HPSE2: variants seen among roughly 807,000 people sequenced by gnomAD.
HPSE2 encodes the protein heparanase 2 (inactive).
In HPSE2, 38 loss-of-function variants were observed where a neutral mutation model predicts 60.5. That is an observed-to-expected ratio of 0.63 (90% CI 0.48 to 0.82). HPSE2 has a LOEUF of 0.82. Ranked by LOEUF, HPSE2 falls within the 40% of genes least tolerant of loss-of-function variation. The pLI is 0.00. For missense variants in HPSE2, 713 were observed against 740.4 expected (o/e 0.96, Z 0.43); for synonymous variants, 295 against 293.2 (o/e 1.01, Z -0.06).
intron 2 of HPSE2, among the ~76,000 whole-genome samples, chr10:99,168,932 C>T (rs1017313557): frequency 2.6e-5 from 4 of 152,138 alleles, no homozygotes; most frequent in South Asian, 2.1e-4. Flanking sequence ...TGGTGGCTTG[C>T]GCCTGTAATC....
At chr10:98,965,638 A>AAT (rs1955795163) in intron 3 of HPSE2, among the ~76,000 whole-genome samples, 1 of 152,128 alleles carries the variant, frequency 6.6e-6, no homozygotes, top group South Asian at 2.1e-4. Flanking sequence ...CACCTACACA[A>AAT]ATATTATCAT....
intron 3 of HPSE2, among the ~76,000 whole-genome samples, chr10:98,780,381 A>G (rs960832638): frequency 1.3e-5 from 2 of 152,196 alleles, no homozygotes; most frequent in African/African-American, 2.4e-5. Flanking sequence ...TTGTACTTAA[A>G]TGTTTATATT....
chr10:98,501,275 A>G (rs186872435), intron 9 of HPSE2, among the ~76,000 whole-genome samples: 1 of 152,316 alleles, frequency 6.6e-6, no homozygotes, highest in East Asian at 1.9e-4. Flanking sequence ...TCCTTGATGA[A>G]CATAGATGCT....
chr10:98,830,911 A>C (rs980732635), intron 3 of HPSE2, among the ~76,000 whole-genome samples: 12 of 152,172 alleles, frequency 7.9e-5, no homozygotes, highest in Non-Finnish European at 1.5e-5. Flanking sequence ...TTATTTTTAC[A>C]TGAAGGCATG....
intron 6 of HPSE2, among the ~76,000 whole-genome samples, chr10:98,690,154 G>A (rs1357483060): frequency 6.6e-6 from 1 of 152,124 alleles, no homozygotes; most frequent in Non-Finnish European, 1.5e-5. Flanking sequence ...TCAATTTCCA[G>A]CCTTTGACTC....
chr10:98,852,005 T>TAA (rs34348667), intron 3 of HPSE2, among the ~76,000 whole-genome samples: 129,262 of 151,966 alleles, frequency 0.85, 55,410 homozygotes, highest in African/African-American at 0.95. Flanking sequence ...CATGTCAGAC[T>TAA]GTTTGCAGAC....
intron 3 of HPSE2, among the ~76,000 whole-genome samples, chr10:99,056,497 A>G (rs1958116941): frequency 1.3e-5 from 2 of 152,270 alleles, no homozygotes; most frequent in South Asian, 2.1e-4. Context: ...TTAATCTGAG[A>G]AGAAAAAAAG....
At chr10:98,657,756 G>A (rs1489270015) in intron 6 of HPSE2, among the ~76,000 whole-genome samples, 1 of 152,178 alleles carries the variant, frequency 6.6e-6, no homozygotes, top group Non-Finnish European at 1.5e-5. Context: ...TACAGTTTAA[G>A]GTTGAATCAC....
chr10:98,584,146 C>T (rs1944877118), intron 9 of HPSE2, among the ~76,000 whole-genome samples: 1 of 152,184 alleles, frequency 6.6e-6, no homozygotes, highest in Non-Finnish European at 1.5e-5. Flanking sequence ...GTTCCAGTTG[C>T]TCCACATCTT....
At chr10:99,003,260 A>G (rs1245615750) in intron 3 of HPSE2, among the ~76,000 whole-genome samples, 2 of 152,000 alleles carry the variant, frequency 1.3e-5, no homozygotes, top group Non-Finnish European at 2.9e-5. Flanking sequence ...TTGCTTGTGG[A>G]CACTTAGATT....
chr10:99,306,306 TG>T, the HPSE2 span, among the ~76,000 whole-genome samples: 1 of 152,058 alleles, frequency 6.6e-6, no homozygotes, highest in African/African-American at 2.4e-5. Flanking sequence ...GACCCATATC[TG>T]GACAAGCCAA....
At chr10:98,772,075 A>C (rs1174606126) in intron 3 of HPSE2, among the ~76,000 whole-genome samples, 1 of 152,148 alleles carries the variant, frequency 6.6e-6, no homozygotes, top group Non-Finnish European at 1.5e-5. Context: ...CTGGGCAATA[A>C]CCGTAAGGAT....
intron 3 of HPSE2, among the ~76,000 whole-genome samples, chr10:98,993,861 A>C (rs1178273640): frequency 2.0e-5 from 3 of 152,194 alleles, no homozygotes; most frequent in Admixed American, 6.5e-5. Context: ...ATAGTGACCC[A>C]AAAATTATAC....
intron 2 of HPSE2, among the ~76,000 whole-genome samples, chr10:99,189,219 T>G (rs1010150037): frequency 1.3e-5 from 2 of 152,260 alleles, no homozygotes; most frequent in African/African-American, 4.8e-5. Context: ...TGAGCTTGTT[T>G]ATCATACAAG....
Position 98,693,928 on chromosome 10 carries a change from T to C in HPSE2, c.976A>G (p.Ser326Gly). The change falls in exon 6 of 12, where the codon AGT (serine) becomes GGT (glycine). Residue 326 changes from serine (S) to glycine (G), a missense_variant. By Grantham distance (56) the Ser-to-Gly change is moderately conservative. Coordinates refer to ENST00000370552, the MANE Select transcript of HPSE2 (RefSeq NM_021828.5). ...LLDGFMKVAG[S>G]TVDAVTWQHC... ...TGCCAGGTAACTGCATCTACTGTAC[T>C]TCCTGCCACCTTCATGAATCTGTAA... 1.9e-6 allele frequency: 3 copies of C among 1,613,294 alleles called. No homozygotes were observed. The highest frequency in any genetic ancestry group is 2.5e-6 in the Non-Finnish European group (3 of 1,179,236).
chr10:98,640,838 G>A (rs1946619390), intron 7 of HPSE2, among the ~76,000 whole-genome samples: 1 of 152,108 alleles, frequency 6.6e-6, no homozygotes, highest in African/African-American at 2.4e-5. Context: ...TTCAAAATGT[G>A]ATCCATAATT....
At position 98,459,465 on chromosome 10, in the gene HPSE2, G is replaced by C; in HGVS notation, c.*109C>G. On this transcript the variant is annotated 3_prime_UTR_variant, in exon 12 of 12. Transcript: ENST00000370552. Reference sequence around the variant, plus strand: ...AGTCTGTGTTGATTCCAGCAGGATGGGGCAGCAGGGGCTGGTTGCTAGGAT... The same window carrying C: ...AGTCTGTGTTGATTCCAGCAGGATGCGGCAGCAGGGGCTGGTTGCTAGGAT... 8.7e-7 allele frequency: 1 copy of C among 1,149,190 alleles called. No homozygotes were observed. The highest frequency in any genetic ancestry group is 1.2e-5 in the South Asian group (1 of 80,992). The allele number at this position is 1,149,190 out of a possible 1,614,324, so 71.2% of individuals were successfully genotyped here. A position where few individuals can be genotyped will look rare whatever the true frequency, so the allele number is the denominator to read the frequency against.
At position 98,468,921 on chromosome 10, in the gene HPSE2, C is replaced by G. The variant is rs1252139405; in HGVS notation, c.1614-9182G>C. On this transcript the variant is annotated intron_variant, in intron 11 of 11. Transcript: ENST00000370552. ...CTGAGAAGTTTATTTGCCCTCCATC[C>G]TACCCTCTGAGGGACACGCTGAAAT... 3.9e-5 allele frequency among the ~76,000 whole-genome samples: 6 copies of G among 152,294 alleles called. No individual in the cohort carries two copies. In the East Asian group the frequency reaches 9.7e-4, roughly 25 times the overall value.
intron 3 of HPSE2, among the ~76,000 whole-genome samples, chr10:98,843,841 A>G (rs1009631570): frequency 3.3e-5 from 5 of 152,240 alleles, no homozygotes; most frequent in Non-Finnish European, 5.9e-5. Flanking sequence ...CCTGGTGAAC[A>G]AAAGCAATAA....
Sources: allele counts gnomAD v4.1 joint callset (sites outside exome capture counted in the v4.1 genomes callset), GRCh38; gene constraint gnomAD v4.1.1; transcripts MANE v1.5; gene names NCBI Gene and HGNC (gene_info 2026-07-23, HGNC 2026-07-21).